KCNJ18: variants seen among roughly 807,000 people sequenced by gnomAD.
KCNJ18 encodes potassium inwardly rectifying channel subfamily J member 18.
In KCNJ18, 16 loss-of-function variants were observed where a neutral mutation model predicts 17.3. That is an observed-to-expected ratio of 0.92 (90% CI 0.62 to 1.40). The LOEUF is 1.40. KCNJ18 is among the 40% of genes most tolerant of loss of function. The pLI, the probability that KCNJ18 is intolerant of heterozygous loss-of-function variation, is 0.00. For missense variants in KCNJ18, 462 were observed against 626.8 expected (o/e 0.74, Z 2.81); for synonymous variants, 185 against 262.6 (o/e 0.70, Z 2.86).
chr17:21,701,686 G>C (rs1176333277), intron 2 of KCNJ18, among the ~76,000 whole-genome samples: 2 of 152,170 alleles, frequency 1.3e-5, no homozygotes, highest in Non-Finnish European at 1.5e-5. Flanking sequence ...CGAGGCAGGT[G>C]GATCACCTGA....
chr17:21,704,135 C>A lies in KCNJ18; in HGVS notation c.*47C>A. On this transcript the variant is annotated 3_prime_UTR_variant, in exon 3 of 3. Transcript: ENST00000567955. ...GCATCCACCCCTGGCCGGGGAGAGG[C>A]CCCGCGGTCGCTCAGGGGCCCTGGG... 1 of 1,480,060 alleles carries A rather than the reference C, an allele frequency of 6.8e-7. No homozygotes were observed. The allele number at this position is 1,480,060 out of a possible 1,614,324, so 91.7% of individuals were successfully genotyped here.
chr17:21,694,679 T>A (rs1186429620), intron 1 of KCNJ18, among the ~76,000 whole-genome samples: 1 of 144,044 alleles, frequency 6.9e-6, no homozygotes, highest in Non-Finnish European at 1.5e-5. Context: ...CACCCATCTG[T>A]CCATCCATCC....
At chr17:21,698,118 C>T (rs1227928260) in intron 2 of KCNJ18, among the ~76,000 whole-genome samples, 8 of 151,428 alleles carry the variant, frequency 5.3e-5, no homozygotes, top group Non-Finnish European at 1.0e-4. Flanking sequence ...CATCTCATCA[C>T]CACCTGGGAT....
intron 2 of KCNJ18, among the ~76,000 whole-genome samples, chr17:21,698,074 C>T (rs1905822716): frequency 6.7e-6 from 1 of 150,366 alleles, no homozygotes; most frequent in African/African-American, 2.4e-5. Context: ...GGCCCTTGAA[C>T]CTGTTCTTTT....
intron 1 of KCNJ18, among the ~76,000 whole-genome samples, chr17:21,693,004 C>T (rs1905647373): frequency 6.6e-6 from 1 of 152,312 alleles, no homozygotes; most frequent in Non-Finnish European, 1.5e-5. Context: ...AGCCCAGGCC[C>T]TGCCCTCCCC....
Position 21,702,736 on chromosome 17 carries a change from G to T in KCNJ18, c.-51G>T, listed in dbSNP as rs1400167275. 2 of 1,535,018 alleles carry T rather than the reference G, an allele frequency of 1.3e-6. No homozygotes were observed. Among genetic ancestry groups the T allele is most frequent in the African/African-American group, 1.4e-5 (1 of 73,056 alleles). ...TGCTGTCCTCTCTGTTCCAGGAGCCGCCCTGCCTGGAGCTAGCCTGGGGGT... is the reference window on the plus strand; with the variant it reads ...TGCTGTCCTCTCTGTTCCAGGAGCCTCCCTGCCTGGAGCTAGCCTGGGGGT... On this transcript the variant is annotated 5_prime_UTR_variant, in exon 3 of 3. Transcript: ENST00000567955.
At position 21,703,991 on chromosome 17, in the gene KCNJ18, A is replaced by T. The variant is rs1906075406; in HGVS notation, c.1205A>T (p.Asp402Val). ...ADGDQDGRSR[D>V]GLSPQARHDF... ...GGAGACCAGGACGGCCGAAGCCGGG[A>T]TGGCCTCAGCCCCCAGGCCAGGCAT... is the stretch of plus-strand genomic sequence containing the variant. Residue 402 changes from aspartate to valine, a missense_variant, in exon 3 of 3, where the codon GAT becomes GTT. Asp to Val is a radical substitution (Grantham distance 152). Coordinates refer to ENST00000567955, the MANE Select transcript of KCNJ18 (RefSeq NM_001194958.2). 1.9e-6 allele frequency: 3 copies of T among 1,601,172 alleles called. No homozygotes were observed. The highest frequency in any genetic ancestry group is 2.6e-6 in the Non-Finnish European group (3 of 1,174,978).
chr17:21,698,871 C>T, intron 2 of KCNJ18, among the ~76,000 whole-genome samples: 6 of 152,388 alleles, frequency 3.9e-5, no homozygotes, highest in Middle Eastern at 6.8e-3. Context: ...CGCTCTCTCC[C>T]CACTGCCTGC....
At chr17:21,702,594 G>C in intron 2 of KCNJ18, 137 bp from the exon 3 acceptor site, 2 of 775,572 alleles carry the variant, frequency 2.6e-6, no homozygotes, top group Non-Finnish European at 4.1e-6. Flanking sequence ...TGGGGAGCTG[G>C]CTTAGGCAAG....
In KCNJ18 at chr17:21,702,821, T is replaced by C. The variant is rs1353366655; in HGVS notation, c.35T>C (p.Ile12Thr). 118 of 1,596,736 alleles carry C rather than the reference T, an allele frequency of 7.4e-5. No individual in the cohort carries two copies. Among genetic ancestry groups the C allele is most frequent in the Non-Finnish European group, 9.3e-5 (109 of 1,177,886 alleles). The change falls in exon 3 of 3, where the codon ATC (isoleucine) becomes ACC (threonine). Residue 12 changes from isoleucine to threonine, a missense_variant. Physicochemically the swap from Ile to Thr is moderately conservative, Grantham distance 89 (BLOSUM62 -1). This residue lies in a region of KCNJ18 where 237 missense variants were observed against 259.4 expected (regional missense o/e 0.91). Transcript: ENST00000567955. The stretch of plus-strand genomic sequence containing the variant: ...GCCAGCCGGGCCAACCCCTACAGCA[T>C]CGTGTCATTGGAGGAGGACGGGCTG... ...TAASRANPYS[I>T]VSLEEDGLHL...
intron 2 of KCNJ18, among the ~76,000 whole-genome samples, chr17:21,698,977 C>T (rs1905853104): frequency 1.3e-5 from 2 of 152,236 alleles, no homozygotes; most frequent in Non-Finnish European, 2.9e-5. Context: ...CCATTCCCCT[C>T]CCGGCGACCC....
At position 21,695,979 on chromosome 17, in the gene KCNJ18, T is replaced by G. The variant is rs1905748420; in HGVS notation, c.-178-4T>G. 1.3e-5 allele frequency: 2 copies of G among 152,438 alleles called. No individual in the cohort carries two copies. The highest frequency in any genetic ancestry group is 4.8e-5 in the African/African-American group (2 of 41,476). The allele number at this position is 152,438 out of a possible 1,614,324, so 9.4% of individuals were successfully genotyped here. A position where few individuals can be genotyped will look rare whatever the true frequency, so the allele number is the denominator to read the frequency against. ...GTAACTTGGCTTTACTCTTTTAACT[T>G]TAGGATGTTCTAGTGACTGGATCCT... On this transcript the variant is annotated splice_polypyrimidine_tract_variant and splice_region_variant and intron_variant, in intron 1 of 2. Transcript: ENST00000567955.
intron 2 of KCNJ18, among the ~76,000 whole-genome samples, chr17:21,701,375 G>C (rs1905944547): frequency 1.3e-5 from 2 of 152,304 alleles, no homozygotes; most frequent in Admixed American, 1.3e-4. Context: ...CCAGGTGCCA[G>C]GGTAGCAGCC....
rs1411416558 is a variant in KCNJ18, at chr17:21,704,151, G to A, written c.*63G>A. ...GGGGAGAGGCCCCGCGGTCGCTCAG[G>A]GGCCCTGGGTTTGAGCAGAACGGGC... is the stretch of plus-strand genomic sequence containing the variant. On this transcript the variant is annotated 3_prime_UTR_variant, in exon 3 of 3. Transcript: ENST00000567955. The A allele has an allele frequency of 1.4e-6, 2 of 1,463,702 alleles. No individual in the cohort carries two copies. Among genetic ancestry groups the A allele is most frequent in the Non-Finnish European group, 1.8e-6 (2 of 1,107,160 alleles). 90.7% of individuals were successfully genotyped at this position (1,463,702 alleles called of 1,614,324 possible).
intron 2 of KCNJ18, among the ~76,000 whole-genome samples, chr17:21,700,879 T>G (rs1287061341): frequency 8.0e-6 from 1 of 125,566 alleles, no homozygotes; most frequent in Non-Finnish European, 1.7e-5. Context: ...TCTTCGTAAC[T>G]GAGTAATGTG....
chr17:21,693,589 G>A (rs1905670020), intron 1 of KCNJ18, among the ~76,000 whole-genome samples: 1 of 152,298 alleles, frequency 6.6e-6, no homozygotes, highest in Non-Finnish European at 1.5e-5. Context: ...TTTCCTATCT[G>A]TCCAGAGGGG....
intron 2 of KCNJ18, among the ~76,000 whole-genome samples, chr17:21,701,514 G>T (rs1286364585): frequency 1.1e-4 from 16 of 152,064 alleles, no homozygotes; most frequent in African/African-American, 3.9e-4. Flanking sequence ...CCAAGAAGCT[G>T]CAAGCATGGC....
At position 21,703,229 on chromosome 17, in the gene KCNJ18, T is replaced by C. The variant is rs1906031829; in HGVS notation, c.443T>C (p.Leu148Pro). The C allele has an allele frequency of 1.2e-6, 2 of 1,611,324 alleles. No homozygotes were observed. The highest frequency in any genetic ancestry group is 2.7e-5 in the African/African-American group (2 of 74,836). The change falls in exon 3 of 3, where the codon CTG becomes CCG. Residue 148 changes from leucine to proline, a missense_variant. Transcript: ENST00000567955. Reference protein sequence around the residue: ...IETQTTIGYGLRCVTEECLVA... With the variant: ...IETQTTIGYGPRCVTEECLVA... Reference sequence around the variant, plus strand: ...ACGCAGACCACCATCGGCTACGGGCTGCGCTGTGTGACGGAGGAGTGCCTG... The same window carrying C: ...ACGCAGACCACCATCGGCTACGGGCCGCGCTGTGTGACGGAGGAGTGCCTG...
At chr17:21,701,101 G>A (rs1361501420) in intron 2 of KCNJ18, among the ~76,000 whole-genome samples, 1 of 152,038 alleles carries the variant, frequency 6.6e-6, no homozygotes, top group Admixed American at 6.5e-5. Flanking sequence ...TGGGCCAGGC[G>A]GTGCCATAGC....
Sources: gnomAD v4.1 joint callset for allele counts (sites outside exome capture counted in the v4.1 genomes callset) on GRCh38, gnomAD v4.1.1 for gene constraint, gnomAD v4.1.1 regional missense constraint, MANE v1.5 for transcripts, NCBI Gene and HGNC (gene_info 2026-07-23, HGNC 2026-07-21) for gene names.